Variants in KCNT2 observed in about 807,000 individuals in gnomAD.
The protein encoded by KCNT2 is potassium channel subfamily T member 2.
In KCNT2, 67 loss-of-function variants were observed where a neutral mutation model predicts 153.8. The ratio of observed to expected loss-of-function variants is 0.44; its 90% CI spans 0.36 to 0.53. KCNT2 has a LOEUF of 0.53. Among genes scored for constraint, KCNT2 ranks in the 20% least tolerant of loss-of-function variants. The probability of loss-of-function intolerance (pLI) is 0.00; values close to 1 mark genes in which losing one functional copy is unlikely to be tolerated. For synonymous variants in KCNT2, 500 were observed against 458.8 expected (o/e 1.09, Z -1.15); for missense variants, 975 against 1,354.8 (o/e 0.72, Z 4.40).
intron 21 of KCNT2, among the ~76,000 whole-genome samples, chr1:196,311,179 A>G (rs1225854908): frequency 1.3e-5 from 2 of 151,852 alleles, no homozygotes; most frequent in African/African-American, 2.4e-5. Context: ...TGCCACAGTT[A>G]TAATTCTCTA....
intron 1 of KCNT2, among the ~76,000 whole-genome samples, chr1:196,577,985 A>C (rs902456724): frequency 1.3e-5 from 2 of 150,438 alleles, no homozygotes; most frequent in Non-Finnish European, 3.0e-5. Flanking sequence ...AAAACGTGTA[A>C]TTTTTTTTTT....
chr1:196,573,090 A>T (rs550605630), intron 1 of KCNT2, among the ~76,000 whole-genome samples: 12 of 152,238 alleles, frequency 7.9e-5, no homozygotes, highest in African/African-American at 2.9e-4. Context: ...CTAATGAGAG[A>T]GACAGAAAAC....
At chr1:196,513,972 T>C (rs2148805643) in intron 1 of KCNT2, among the ~76,000 whole-genome samples, 1 of 152,290 alleles carries the variant, frequency 6.6e-6, no homozygotes, top group South Asian at 2.1e-4. Context: ...GCAAGAATAA[T>C]GAACACAAAT....
chr1:196,353,362 G>A (rs1486412014), intron 14 of KCNT2, among the ~76,000 whole-genome samples: 2 of 151,798 alleles, frequency 1.3e-5, no homozygotes, highest in African/African-American at 2.4e-5. Context: ...CACCCTCTCC[G>A]ATCATCTCTT....
rs952744388 is a variant in KCNT2, at chr1:196,371,220, CAAAAAAAAAAAAAA to C, written c.1403+1906_1403+1919del. The stretch of plus-strand genomic sequence containing the variant: ...GCAACATGGCAAAATCCCGTCACTA[CAAAAAAAAAAAAAA>C]AAAAAAAAAAAAAAAGCCTGGCATG... On this transcript the variant is annotated intron_variant, in intron 14 of 27. Coordinates refer to ENST00000294725, the MANE Select transcript of KCNT2 (RefSeq NM_198503.5). Among the ~76,000 whole-genome samples, 3 of 21,934 alleles carry C rather than the reference CAAAAAAAAAAAAAA, an allele frequency of 1.4e-4. 1 individual carries two copies. Among genetic ancestry groups the C allele is most frequent in the African/African-American group, 4.5e-4 (3 of 6,716 alleles). The allele number at this position is 21,934 out of a possible 152,430, so 14.4% of individuals were successfully genotyped here.
chr1:196,600,995 A>G (rs548269418), intron 1 of KCNT2, among the ~76,000 whole-genome samples: 1 of 152,252 alleles, frequency 6.6e-6, no homozygotes, highest in Admixed American at 6.5e-5. Context: ...CTCTTCTATA[A>G]GTGATTTTCT....
chr1:196,529,742 T>A lies in KCNT2; in HGVS notation c.96-37401A>T, dbSNP rs1309035092. Among the ~76,000 whole-genome samples the A allele has an allele frequency of 3.3e-5, 5 of 152,114 alleles. No individual in the cohort carries two copies. In the East Asian group the frequency reaches 9.6e-4, roughly 29 times the overall value. On this transcript the variant is annotated intron_variant, in intron 1 of 27. Coordinates refer to ENST00000294725, the MANE Select transcript of KCNT2 (RefSeq NM_198503.5). ...AGTGTACTGGTTAACATGATTATTT[T>A]ACAGAACACTGTGCATTCATTAATA... is the stretch of plus-strand genomic sequence containing the variant.
chr1:196,484,142 G>A (rs1679229182), intron 3 of KCNT2, among the ~76,000 whole-genome samples: 3 of 152,068 alleles, frequency 2.0e-5, no homozygotes, highest in Admixed American at 1.3e-4. Context: ...CTGAACAGAA[G>A]TGCGTATTTT....
chr1:196,333,924 C>T lies in KCNT2; in HGVS notation c.1920G>A (p.Ser640=), dbSNP rs761034037. 1.7e-5 allele frequency: 27 copies of T among 1,612,500 alleles called. No homozygotes were observed. Among genetic ancestry groups the T allele is most frequent in the African/African-American group, 2.7e-5 (2 of 74,822 alleles). The part of the protein sequence containing the change: ...APVLEVADTS[S]IQTCDLLSDQ... ...CACTTAGAAGATCACATGTTTGAAT[C>T]GATGATGTATCTGCAACCTCTAAAA... The change falls in exon 17 of 28, where the codon TCG becomes TCA. Residue 640 remains serine (S), a synonymous_variant. Transcript: ENST00000294725.
intron 25 of KCNT2, among the ~76,000 whole-genome samples, chr1:196,268,466 T>A (rs1657751506): frequency 6.6e-6 from 1 of 152,134 alleles, no homozygotes; most frequent in Admixed American, 6.6e-5. Flanking sequence ...AACTTTCATC[T>A]CCCTACTAAC....
chr1:196,226,339 C>T lies in KCNT2; in HGVS notation c.*1885G>A, dbSNP rs955378749. The T allele has an allele frequency of 1.3e-5, 2 of 151,982 alleles. No homozygotes were observed. The highest frequency in any genetic ancestry group is 2.9e-5 in the Non-Finnish European group (2 of 67,868). The allele number at this position is 151,982 out of a possible 1,614,324, so 9.4% of individuals were successfully genotyped here. A position where few individuals can be genotyped will look rare whatever the true frequency, so the allele number is the denominator to read the frequency against. On this transcript the variant is annotated 3_prime_UTR_variant, in exon 28 of 28. Transcript: ENST00000294725. ...AGTTCATAAAATTTATTGTTTTTCT[C>T]TGTTACATATATTAGTTCCATTCTG...
chr1:196,572,311 A>G (rs887672940), intron 1 of KCNT2, among the ~76,000 whole-genome samples: 1 of 152,118 alleles, frequency 6.6e-6, no homozygotes, highest in African/African-American at 2.4e-5. Flanking sequence ...CAAGAGTAGT[A>G]GCCTAAACTT....
intron 26 of KCNT2, 192 bp downstream of exon 26, chr1:196,258,002 G>C (rs914464111): frequency 1.4e-6 from 2 of 1,396,272 alleles, no homozygotes; most frequent in Middle Eastern, 2.7e-4. Flanking sequence ...CTCAGCAAAC[G>C]CTGAAAATTT....
chr1:196,435,062 C>T (rs1417696834), intron 8 of KCNT2, among the ~76,000 whole-genome samples: 2 of 146,576 alleles, frequency 1.4e-5, no homozygotes, highest in Admixed American at 7.0e-5. Context: ...TGAGAAATAA[C>T]CAACTGGCTA....
intron 13 of KCNT2, among the ~76,000 whole-genome samples, chr1:196,395,676 T>G (rs1670876850): frequency 6.6e-6 from 1 of 151,584 alleles, no homozygotes; most frequent in Admixed American, 6.6e-5. Flanking sequence ...AGCAACTACA[T>G]CACCATGAAA....
At chr1:196,482,261 T>C in intron 4 of KCNT2, 70 bp downstream of exon 4, 3 of 957,534 alleles carry the variant, frequency 3.1e-6, no homozygotes, top group Non-Finnish European at 4.8e-6. Flanking sequence ...TCAAAAGCTC[T>C]CCAATAGTAC....
At chr1:196,431,494 A>AC (rs1215035708) in intron 8 of KCNT2, among the ~76,000 whole-genome samples, 4 of 152,100 alleles carry the variant, frequency 2.6e-5, no homozygotes, top group Admixed American at 1.3e-4. Flanking sequence ...GGAAATACCG[A>AC]CGGTAACGGC....
At chr1:196,259,432 T>C (rs1285030192) in intron 25 of KCNT2, among the ~76,000 whole-genome samples, 1 of 152,108 alleles carries the variant, frequency 6.6e-6, no homozygotes, top group Non-Finnish European at 1.5e-5. Context: ...TCTAAAAACA[T>C]GCACATGCAA....
intron 25 of KCNT2, among the ~76,000 whole-genome samples, chr1:196,279,173 G>A (rs1238904210): frequency 6.6e-6 from 1 of 151,904 alleles, no homozygotes; most frequent in Admixed American, 6.6e-5. Context: ...TAATTACTTG[G>A]GTATGAAAGC....
Sources: gnomAD v4.1 joint callset for allele counts (sites outside exome capture counted in the v4.1 genomes callset) on GRCh38, gnomAD v4.1.1 for gene constraint, MANE v1.5 for transcripts, NCBI Gene and HGNC (gene_info 2026-07-23, HGNC 2026-07-21) for gene names.